Variants in VCPIP1 observed in about 807,000 individuals in gnomAD.
VCPIP1 encodes deubiquitinating protein VCPIP1.
Under a neutral mutation model 85.0 loss-of-function variants are expected in VCPIP1, and 8 were observed. That is an observed-to-expected ratio of 0.09 (90% confidence interval 0.06 to 0.17). VCPIP1 has a LOEUF of 0.17. VCPIP1 is among the 10% of genes least tolerant of loss of function. VCPIP1 has a pLI of 1.00. For synonymous variants in VCPIP1, 543 were observed against 544.5 expected (o/e 1.00, Z 0.04); for missense variants, 1,070 against 1,486.3 (o/e 0.72, Z 4.61).
intron 2 of VCPIP1, among the ~76,000 whole-genome samples, chr8:66,635,896 A>G (rs933667383): frequency 3.4e-5 from 5 of 145,696 alleles, no homozygotes; most frequent in Non-Finnish European, 7.5e-5. Flanking sequence ...CTGGACAATA[A>G]GAGTGAAACT....
At chr8:66,648,954 A>T (rs1484147613) in intron 2 of VCPIP1, among the ~76,000 whole-genome samples, 1 of 152,052 alleles carries the variant, frequency 6.6e-6, no homozygotes, top group African/African-American at 2.4e-5. Context: ...GAGCTCAGGA[A>T]TTCAAGACAA....
In VCPIP1 at chr8:66,665,237, A is replaced by G; in HGVS notation, c.1722T>C (p.Cys574=). 6.2e-7 allele frequency: 1 copy of G among 1,614,198 alleles called. No individual in the cohort carries two copies. Among genetic ancestry groups the G allele is most frequent in the South Asian group, 1.1e-5 (1 of 91,072 alleles). Residue 574 remains cysteine, a synonymous_variant, in exon 1 of 3, where the codon TGT becomes TGC. Transcript: ENST00000310421. This position sits in a 1 kb window ranked among gnomAD's most constrained non-coding sequence, Gnocchi z 4.3. Reference sequence around the variant, plus strand: ...TACCATCCCAAAAGTGTTTGAATCCACAACCACATTTGCCACCAGTGGACC... The same window carrying G: ...TACCATCCCAAAAGTGTTTGAATCCGCAACCACATTTGCCACCAGTGGACC... The part of the protein sequence containing the change: ...NSRSTGGKCG[C]GFKHFWDGKE...
intron 1 of VCPIP1, among the ~76,000 whole-genome samples, chr8:66,655,184 A>G (rs948948299): frequency 3.3e-5 from 5 of 152,136 alleles, no homozygotes; most frequent in African/African-American, 1.2e-4. Flanking sequence ...TTTCCCTTTT[A>G]TACTTTTCAG....
At chr8:66,647,640 A>G (rs1384929025) in intron 2 of VCPIP1, among the ~76,000 whole-genome samples, 3 of 152,130 alleles carry the variant, frequency 2.0e-5, no homozygotes, top group African/African-American at 4.8e-5. Context: ...TATATTTTGC[A>G]TATCACATAA....
chr8:66,666,721 G>A lies in VCPIP1; in HGVS notation c.238C>T (p.Gln80Ter). Residue 80 changes from glutamine (Q) to a stop codon, truncating the protein, a stop_gained, in exon 1 of 3, where the codon CAA (glutamine) becomes TAA (stop). Coordinates refer to ENST00000310421, the MANE Select transcript of VCPIP1 (RefSeq NM_025054.5). LOFTEE classifies it high-confidence loss of function. The surrounding 1 kb of genome is among the most constrained non-coding windows in gnomAD (Gnocchi z 6.3). ...CTECGQRHEQ[Q>*]QLLGVEEVTD... ...ACCTCCTCAACCCCCAGCAGCTGTT[G>A]CTGCTCGTGCCGCTGGCCGCACTCG... is the stretch of plus-strand genomic sequence containing the variant. The A allele has an allele frequency of 6.2e-7, 1 of 1,614,114 alleles. No individual in the cohort carries two copies. Among genetic ancestry groups the A allele is most frequent in the Non-Finnish European group, 8.5e-7 (1 of 1,179,996 alleles).
At chr8:66,658,352 AAAG>A (rs1452493220) in intron 1 of VCPIP1, among the ~76,000 whole-genome samples, 4 of 151,902 alleles carry the variant, frequency 2.6e-5, no homozygotes, top group East Asian at 3.9e-4. Context: ...AAAAAAAAAA[AAAG>A]AAGAATATGC....
At chr8:66,654,312 C>T (rs1811079668) in intron 1 of VCPIP1, among the ~76,000 whole-genome samples, 1 of 152,236 alleles carries the variant, frequency 6.6e-6, no homozygotes, top group African/African-American at 2.4e-5. Context: ...TCCGTCTCTA[C>T]TAAAAATACA....
intron 1 of VCPIP1, among the ~76,000 whole-genome samples, chr8:66,654,428 G>T (rs887322646): frequency 1.3e-5 from 2 of 152,194 alleles, no homozygotes; most frequent in Non-Finnish European, 2.9e-5. Flanking sequence ...GTGAGCCGAG[G>T]TCGTGCCACA....
At position 66,665,791 on chromosome 8, in the gene VCPIP1, T is replaced by C; in HGVS notation, c.1168A>G (p.Lys390Glu). 2.5e-6 allele frequency: 4 copies of C among 1,614,120 alleles called. No homozygotes were observed. Among genetic ancestry groups the C allele is most frequent in the Non-Finnish European group, 3.4e-6 (4 of 1,180,030 alleles). Residue 390 changes from lysine to glutamate, a missense_variant, in exon 1 of 3, where the codon AAA (lysine) becomes GAA (glutamate). Transcript: ENST00000310421. This position sits in a 1 kb window ranked among gnomAD's most constrained non-coding sequence, Gnocchi z 4.3. The part of the protein sequence containing the change: ...VPQDLIKKYI[K>E]LEEDGGCVIG... ...ACACAACCACCATCCTCTTCAAGTT[T>C]TATGTACTTTTTAATAAGGTCCTGA...
At chr8:66,662,375 T>C (rs1450404708) in intron 1 of VCPIP1, among the ~76,000 whole-genome samples, 1 of 152,202 alleles carries the variant, frequency 6.6e-6, no homozygotes, top group African/African-American at 2.4e-5. Context: ...CCTTTTTCCT[T>C]TGTACAGCAG....
In VCPIP1 at chr8:66,665,156, T is replaced by C; in HGVS notation, c.1803A>G (p.Arg601=). ...ACCAATATACTGTTTCTCTGACCAC[T>C]CTTCCACCCCATTCTAAAGTAATAG... ...AFPITLEWGG[R]VVRETVYWFQ... is the part of the protein sequence containing the mutation. The change falls in exon 1 of 3, where the codon AGA becomes AGG. Residue 601 remains arginine (R), a synonymous_variant. Transcript: ENST00000310421. This position sits in a 1 kb window ranked among gnomAD's most constrained non-coding sequence, Gnocchi z 4.3. The C allele has an allele frequency of 1.2e-6, 2 of 1,611,816 alleles. No individual in the cohort carries two copies. Among genetic ancestry groups the C allele is most frequent in the Non-Finnish European group, 1.7e-6 (2 of 1,178,480 alleles).
At chr8:66,642,606 C>T (rs1328933224) in intron 2 of VCPIP1, among the ~76,000 whole-genome samples, 1 of 152,110 alleles carries the variant, frequency 6.6e-6, no homozygotes, top group African/African-American at 2.4e-5. Flanking sequence ...AGGCAGAGGT[C>T]AAACCTGAGG....
intron 2 of VCPIP1, among the ~76,000 whole-genome samples, chr8:66,640,001 C>G (rs1489707542): frequency 6.6e-6 from 1 of 152,064 alleles, no homozygotes; most frequent in African/African-American, 2.4e-5. Flanking sequence ...GGCTAAATAT[C>G]TGGGTGATGA....
chr8:66,645,759 CAA>C (rs1179669993), intron 2 of VCPIP1, among the ~76,000 whole-genome samples: 6 of 57,460 alleles, frequency 1.0e-4, no homozygotes, highest in Admixed American at 6.2e-4. Context: ...CCTGTCTCTA[CAA>C]AAAAAAAAAA....
chr8:66,638,970 C>CTCTCTCTATATA, intron 2 of VCPIP1, among the ~76,000 whole-genome samples: 5 of 118,426 alleles, frequency 4.2e-5, no homozygotes, highest in African/African-American at 1.2e-4. Context: ...CTCTCTCTCT[C>CTCTCTCTATATA]TATATATATA....
chr8:66,640,960 T>G lies in VCPIP1; in HGVS notation c.2798-5588A>C, dbSNP rs1458332151. Among the ~76,000 whole-genome samples the G allele has an allele frequency of 2.6e-5, 4 of 152,248 alleles. No homozygotes were observed. In the East Asian group the frequency reaches 7.7e-4, roughly 29 times the overall value. ...TCACCCTGACCCTTCAATGAGCTGT[T>G]AAGCACTTAAGCTATTTGTGGAGGG... On this transcript the variant is annotated intron_variant, in intron 2 of 2. Coordinates refer to ENST00000310421, the MANE Select transcript of VCPIP1 (RefSeq NM_025054.5).
chr8:66,664,933 C>T lies in VCPIP1; in HGVS notation c.2026G>A (p.Val676Ile). ...VNIDGAHAQRVGDVQGQESES... is the reference protein window; with the variant it reads ...VNIDGAHAQRIGDVQGQESES... ...GATTCTTGTCCTTGAACATCTCCAA[C>T]TCTTTGGGCGTGAGCACCATCTATA... Residue 676 changes from valine to isoleucine, a missense_variant, in exon 1 of 3, where the codon GTT (valine) becomes ATT (isoleucine). By Grantham distance (29) the Val-to-Ile change is conservative. Coordinates refer to ENST00000310421, the MANE Select transcript of VCPIP1 (RefSeq NM_025054.5). 6.2e-7 allele frequency: 1 copy of T among 1,614,154 alleles called. No individual in the cohort carries two copies. Among genetic ancestry groups the T allele is most frequent in the Admixed American group, 1.7e-5 (1 of 60,016 alleles).
intron 2 of VCPIP1, among the ~76,000 whole-genome samples, chr8:66,643,998 A>C (rs1810971957): frequency 6.6e-6 from 1 of 152,104 alleles, no homozygotes; most frequent in African/African-American, 2.4e-5. Context: ...ACTTTATGCC[A>C]ATACAGTTGA....
intron 2 of VCPIP1, among the ~76,000 whole-genome samples, chr8:66,637,905 G>A (rs1470719791): frequency 6.6e-6 from 1 of 152,200 alleles, no homozygotes; most frequent in Non-Finnish European, 1.5e-5. Context: ...CCAGGAGGTG[G>A]AACTTGCAGT....
Sources: allele counts gnomAD v4.1 joint callset (sites outside exome capture counted in the v4.1 genomes callset), GRCh38; gene constraint gnomAD v4.1.1; non-coding constraint Gnocchi (gnomAD v3.1); transcripts MANE v1.5; gene names NCBI Gene and HGNC (gene_info 2026-07-23, HGNC 2026-07-21).